Variants in QPCT observed in about 807,000 individuals in gnomAD.
The protein encoded by QPCT is glutaminyl-peptide cyclotransferase, also known as EC.
QPCT carries 44 observed loss-of-function variants against 43.4 expected under a neutral mutation model. The ratio of observed to expected loss-of-function variants is 1.01; its 90% CI spans 0.80 to 1.30. The LOEUF is 1.30. Among genes scored for constraint, QPCT ranks in the 50% most tolerant of loss-of-function variants. The pLI is 0.00. For synonymous variants in QPCT, 168 were observed against 168.4 expected, an observed-to-expected ratio of 1.00 and a Z score of 0.02; for missense variants, 526 against 436.5, an observed-to-expected ratio of 1.21 and a Z score of -1.83.
intron 1 of QPCT, among the ~76,000 whole-genome samples, chr2:37,345,598 G>A (rs1572725518): frequency 1.3e-5 from 2 of 152,130 alleles, no homozygotes; most frequent in Admixed American, 1.3e-4. Flanking sequence ...CACTTTGGGA[G>A]GCCGAGGCGG....
At chr2:37,364,857 T>C (rs1442199179) in intron 3 of QPCT, among the ~76,000 whole-genome samples, 1 of 151,936 alleles carries the variant, frequency 6.6e-6, no homozygotes, top group Non-Finnish European at 1.5e-5. Flanking sequence ...GCTGGAGATA[T>C]ATTTTTTGGA....
chr2:37,347,215 TAAC>T lies in QPCT; in HGVS notation c.120+2366_120+2368del, dbSNP rs1233021042. Among the ~76,000 whole-genome samples, 140 of 89,792 alleles carry T rather than the reference TAAC, an allele frequency of 1.6e-3. 1 individual carries two copies. The highest frequency in any genetic ancestry group is 2.3e-3 in the Non-Finnish European group (110 of 48,166). 58.9% of individuals were successfully genotyped at this position (89,792 alleles called of 152,430 possible). On this transcript the variant is annotated intron_variant, in intron 1 of 6. Transcript: ENST00000338415. ...ATAACATATATATATAACATATATATAACATATATATATAACATATATATATAT... is the reference window on the plus strand; with the variant it reads ...ATAACATATATATATAACATATATATATATATATATAACATATATATATAT...
chr2:37,372,773 T>C lies in QPCT; in HGVS notation c.1032T>C (p.Ile344=). 1 of 1,613,192 alleles carries C rather than the reference T, an allele frequency of 6.2e-7. No homozygotes were observed. Among genetic ancestry groups the C allele is most frequent in the Non-Finnish European group, 8.5e-7 (1 of 1,179,260 alleles). Residue 344 remains isoleucine (I), a synonymous_variant, in exon 7 of 7, where the codon ATT becomes ATC. Transcript: ENST00000338415. ...AAGAAAATTTGGATGAATCAACCAT[T>C]GACAATCTAAACAAAATCCTACAAG... ...DNEENLDEST[I]DNLNKILQVF... is the part of the protein sequence containing the mutation.
intron 5 of QPCT, among the ~76,000 whole-genome samples, chr2:37,372,006 A>G (rs1673086166): frequency 6.6e-6 from 1 of 151,862 alleles, no homozygotes; most frequent in Admixed American, 6.6e-5. Context: ...AGCATCTTGG[A>G]CCTATAAGCA....
intron 4 of QPCT, among the ~76,000 whole-genome samples, chr2:37,367,768 C>G (rs754184518): frequency 1.2e-4 from 18 of 151,896 alleles, no homozygotes; most frequent in Admixed American, 5.9e-4. Context: ...ACTCAAGAGG[C>G]TAAGGCAGGA....
Position 37,367,298 on chromosome 2 carries a change from C to A in QPCT, c.613C>A (p.Leu205Ile). ...LIFFDGEEAF[L>I]HWSPQDSLYG... ...CTTCTTTGATGGTGAAGAGGCTTTTCTTCACTGGTCTCCTCAAGATTCTCT... is the reference window on the plus strand; with the variant it reads ...CTTCTTTGATGGTGAAGAGGCTTTTATTCACTGGTCTCCTCAAGATTCTCT... The change falls in exon 4 of 7, where the codon CTT becomes ATT. Residue 205 changes from leucine to isoleucine, a missense_variant. Coordinates refer to ENST00000338415, the MANE Select transcript of QPCT (RefSeq NM_012413.4). 1.2e-6 allele frequency: 2 copies of A among 1,614,050 alleles called. No homozygotes were observed. The highest frequency in any genetic ancestry group is 8.5e-7 in the Non-Finnish European group (1 of 1,179,960).
At position 37,372,674 on chromosome 2, in the gene QPCT, C is replaced by G. The variant is rs1673104905; in HGVS notation, c.941-8C>G. The G allele has an allele frequency of 6.2e-7, 1 of 1,610,608 alleles. No homozygotes were observed. Among genetic ancestry groups the G allele is most frequent in the South Asian group, 1.1e-5 (1 of 90,308 alleles). ...GCACATTGTTACAAGTTGGTTCTTT[C>G]TTAATAGGTGTTCCAGTTCTGCATC... On this transcript the variant is annotated splice_polypyrimidine_tract_variant and splice_region_variant and intron_variant, in intron 6 of 6. Transcript: ENST00000338415.
At chr2:37,355,392 C>T (rs1391409981) in intron 2 of QPCT, among the ~76,000 whole-genome samples, 1 of 151,870 alleles carries the variant, frequency 6.6e-6, no homozygotes, top group African/African-American at 2.4e-5. Context: ...AATGATTGAA[C>T]CTTTTTTTTT....
chr2:37,361,149 G>T (rs1237312420), intron 3 of QPCT, among the ~76,000 whole-genome samples: 1 of 152,092 alleles, frequency 6.6e-6, no homozygotes, highest in Non-Finnish European at 1.5e-5. Context: ...TGAGGTGGGG[G>T]ATTTTTTTTA....
At chr2:37,371,615 T>C (rs1343009288) in intron 5 of QPCT, among the ~76,000 whole-genome samples, 2 of 152,258 alleles carry the variant, frequency 1.3e-5, no homozygotes, top group African/African-American at 4.8e-5. Context: ...CTAGCTATCC[T>C]AGGAAGTTTC....
In QPCT at chr2:37,367,408, G is replaced by A. The variant is rs774234010; in HGVS notation, c.723G>A (p.Met241Ile). 4 of 1,612,684 alleles carry A rather than the reference G, an allele frequency of 2.5e-6. No individual in the cohort carries two copies. The highest frequency in any genetic ancestry group is 2.2e-5 in the East Asian group (1 of 44,860). Residue 241 changes from methionine to isoleucine, a missense_variant and splice_region_variant, in exon 4 of 7, where the codon ATG becomes ATA. Transcript: ENST00000338415. Reference protein sequence around the residue: ...GARGTSQLHGMDLLVLLDLIG... With the variant: ...GARGTSQLHGIDLLVLLDLIG... The stretch of plus-strand genomic sequence containing the variant: ...GAGGCACCAGCCAACTGCATGGCAT[G>A]GTTAGTCTGGGCAATTTCCCTAGCA...
chr2:37,366,744 G>T (rs549032284), intron 3 of QPCT, among the ~76,000 whole-genome samples: 1 of 152,344 alleles, frequency 6.6e-6, no homozygotes, highest in Admixed American at 6.5e-5. Flanking sequence ...TTCAACAACG[G>T]CCTCAGCCAA....
At chr2:37,355,967 AC>A (rs1318153048) in intron 2 of QPCT, among the ~76,000 whole-genome samples, 1 of 151,784 alleles carries the variant, frequency 6.6e-6, no homozygotes, top group African/African-American at 2.4e-5. Flanking sequence ...AGCCCGAGGG[AC>A]TCATATATGG....
At chr2:37,360,923 A>T (rs72864877) in intron 3 of QPCT, among the ~76,000 whole-genome samples, 2,438 of 152,344 alleles carry the variant, frequency 0.016, 31 homozygotes, top group African/African-American at 0.036. Context: ...ATAAGGACAC[A>T]AAATGAAGTA....
chr2:37,348,357 G>C (rs1326693807), intron 1 of QPCT, among the ~76,000 whole-genome samples: 2 of 152,182 alleles, frequency 1.3e-5, no homozygotes, highest in African/African-American at 4.8e-5. Flanking sequence ...AGGGCTGCTT[G>C]CATTTTAGAA....
Position 37,372,418 on chromosome 2 carries a change from A to G in QPCT, c.886A>G (p.Asn296Asp). Residue 296 changes from asparagine (N) to aspartate (D), a missense_variant, in exon 6 of 7, where the codon AAT becomes GAT. Coordinates refer to ENST00000338415, the MANE Select transcript of QPCT (RefSeq NM_012413.4). Reference sequence around the variant, plus strand: ...CTCTTTGGAGGGGCGGTATTTCCAGAATTACAGTTATGGAGGTGTGATTCA... The same window carrying G: ...CTCTTTGGAGGGGCGGTATTTCCAGGATTACAGTTATGGAGGTGTGATTCA... The part of the protein sequence containing the change: ...DHSLEGRYFQ[N>D]YSYGGVIQDD... 1 of 1,614,130 alleles carries G rather than the reference A, an allele frequency of 6.2e-7. No individual in the cohort carries two copies. The highest frequency in any genetic ancestry group is 8.5e-7 in the Non-Finnish European group (1 of 1,180,012).
intron 1 of QPCT, among the ~76,000 whole-genome samples, chr2:37,348,243 T>G (rs1672547805): frequency 6.6e-6 from 1 of 152,162 alleles, no homozygotes; most frequent in South Asian, 2.1e-4. Context: ...GAGATCCATT[T>G]TACAGATATG....
chr2:37,354,889 A>C (rs927739064), intron 2 of QPCT, among the ~76,000 whole-genome samples: 1 of 152,070 alleles, frequency 6.6e-6, no homozygotes, highest in African/African-American at 2.4e-5. Flanking sequence ...TGCATACTTC[A>C]GGCCTGAGGT....
At chr2:37,368,370 C>G (rs1673006475) in intron 4 of QPCT, 1 of 159,916 alleles carries the variant, frequency 6.3e-6, no homozygotes, top group Non-Finnish European at 1.3e-5. Context: ...ATTTGATCTT[C>G]TTTCTGTCCC....
Sources: allele counts gnomAD v4.1 joint callset (sites outside exome capture counted in the v4.1 genomes callset), GRCh38; gene constraint gnomAD v4.1.1; transcripts MANE v1.5; gene names NCBI Gene and HGNC (gene_info 2026-07-23, HGNC 2026-07-21).